The following CDK12 variants were observed in gnomAD, a reference collection of about 807,000 sequenced individuals.
The protein encoded by CDK12 is cyclin dependent kinase 12, also known as cyclin-dependent kinase 12.
A neutral mutation model predicts 133.8 loss-of-function variants in CDK12; 17 were observed. The ratio of observed to expected loss-of-function variants is 0.13; its 90% confidence interval spans 0.09 to 0.19. The LOEUF (loss-of-function observed/expected upper bound fraction) is 0.19. Among genes scored for constraint, CDK12 ranks in the 10% least tolerant of loss-of-function variants. The pLI is 1.00. For missense variants in CDK12, 1,508 were observed against 1,818.7 expected (o/e 0.83, Z 3.11); for synonymous variants, 694 against 683.6 (o/e 1.02, Z -0.24).
chr17:39,550,751 A>C (rs1354357022), intron 1 of CDK12: 2 of 152,206 alleles, frequency 1.3e-5, no homozygotes, highest in East Asian at 3.9e-4. Context: ...GAACTTGGCC[A>C]GGTGCGGTGG....
intron 6 of CDK12, among the ~76,000 whole-genome samples, chr17:39,502,246 A>G (rs910422874): frequency 2.0e-5 from 3 of 151,968 alleles, no homozygotes; most frequent in African/African-American, 7.3e-5. Flanking sequence ...TCTGCCTCCC[A>G]GGTTCGTGCC....
At chr17:39,542,338 A>G (rs1346065746) in intron 1 of CDK12, among the ~76,000 whole-genome samples, 2 of 149,698 alleles carry the variant, frequency 1.3e-5, no homozygotes, top group African/African-American at 2.5e-5. Flanking sequence ...ATTTTTTTGT[A>G]TTATGTAGCC....
intron 2 of CDK12, among the ~76,000 whole-genome samples, chr17:39,482,203 G>T (rs1458076335): frequency 6.6e-6 from 1 of 151,152 alleles, no homozygotes; most frequent in Non-Finnish European, 1.5e-5. Context: ...ATAGAGATGG[G>T]GTTTCACCAT....
In CDK12 at chr17:39,464,751, C is replaced by T. The variant is rs1404002908; in HGVS notation, c.1046+1634C>T. On this transcript the variant is annotated intron_variant, in intron 1 of 13. Transcript: ENST00000447079. ...ATTCTACAATAAATATTTGCTGTAT[C>T]CAGGCTGGGCAACATAGTGAGGCCC... is the stretch of plus-strand genomic sequence containing the variant. Among the ~76,000 whole-genome samples the T allele has an allele frequency of 1.3e-4, 20 of 150,542 alleles. No homozygotes were observed. The Admixed American group carries it at 1.3e-3, about 10-fold the overall frequency.
At chr17:39,469,183 A>T (rs900053610) in intron 1 of CDK12, among the ~76,000 whole-genome samples, 1 of 152,150 alleles carries the variant, frequency 6.6e-6, no homozygotes, top group African/African-American at 2.4e-5. Context: ...GCTTTAGTAA[A>T]AAGTCATGAG....
intron 5 of CDK12, among the ~76,000 whole-genome samples, chr17:39,498,868 ATTTTCT>A (rs1291479708): frequency 2.5e-4 from 7 of 28,168 alleles, no homozygotes; most frequent in Non-Finnish European, 4.8e-4. Flanking sequence ...TAATACTATG[ATTTTCT>A]CTTTCTTTCT....
In CDK12 at chr17:39,501,240, C is replaced by A; in HGVS notation, c.2420-10C>A. The stretch of plus-strand genomic sequence containing the variant: ...TTTCTTGCTTTTAATTTTTTTTCGT[C>A]TTTATGTAGGTGCCTTTTACCTTGT... On this transcript the variant is annotated splice_polypyrimidine_tract_variant and intron_variant, in intron 5 of 13. Coordinates refer to ENST00000447079, the MANE Select transcript of CDK12 (RefSeq NM_016507.4). 1 of 1,464,936 alleles carries A rather than the reference C, an allele frequency of 6.8e-7. No homozygotes were observed. The highest frequency in any genetic ancestry group is 9.1e-7 in the Non-Finnish European group (1 of 1,104,334). 90.7% of individuals were successfully genotyped at this position (1,464,936 alleles called of 1,614,324 possible).
At chr17:39,518,346 G>A (rs572379225) in intron 10 of CDK12, among the ~76,000 whole-genome samples, 4 of 144,792 alleles carry the variant, frequency 2.8e-5, no homozygotes, top group Non-Finnish European at 3.0e-5. Context: ...TTTTTTTTCC[G>A]TGTAGAGATA....
chr17:39,492,970 G>C (rs1449994630), intron 4 of CDK12, 80 bp downstream of exon 4: 2 of 1,238,256 alleles, frequency 1.6e-6, no homozygotes, highest in Admixed American at 4.7e-5. Flanking sequence ...TTTAGCAAAA[G>C]TAAATTCTGA....
In CDK12 at chr17:39,501,436, A is replaced by G; in HGVS notation, c.2606A>G (p.Asn869Ser). The G allele has an allele frequency of 6.2e-7, 1 of 1,606,356 alleles. No individual in the cohort carries two copies. Among genetic ancestry groups the G allele is most frequent in the Non-Finnish European group, 8.5e-7 (1 of 1,175,992 alleles). Residue 869 changes from asparagine (N) to serine (S), a missense_variant, in exon 6 of 14, where the codon AAC (asparagine) becomes AGC (serine). Coordinates refer to ENST00000447079, the MANE Select transcript of CDK12 (RefSeq NM_016507.4). Reference sequence around the variant, plus strand: ...AAGTGTTCTAACATTTTGCTGAATAACAGGTAACATAGTAACCAAATAAGA... The same window carrying G: ...AAGTGTTCTAACATTTTGCTGAATAGCAGGTAACATAGTAACCAAATAAGA... ...DIKCSNILLN[N>S]SGQIKLADFG...
chr17:39,521,494 C>T (rs2054163417), intron 11 of CDK12, among the ~76,000 whole-genome samples: 1 of 151,898 alleles, frequency 6.6e-6, no homozygotes, highest in Non-Finnish European at 1.5e-5. Flanking sequence ...AACTCCTGGC[C>T]TCAGGTGATC....
At chr17:39,564,405 GAGTGCCTA>G (rs1184735876) in intron 3 of CDK12, among the ~76,000 whole-genome samples, 1 of 152,186 alleles carries the variant, frequency 6.6e-6, no homozygotes, top group Non-Finnish European at 1.5e-5. Context: ...AGGAATGGAG[GAGTGCCTA>G]AGGCCTTCCT....
intron 3 of CDK12, among the ~76,000 whole-genome samples, chr17:39,563,113 C>A (rs951422004): frequency 3.3e-5 from 5 of 152,012 alleles, no homozygotes; most frequent in Non-Finnish European, 7.4e-5. Flanking sequence ...ATGAACATTG[C>A]GGTAATAACC....
intron 2 of CDK12, among the ~76,000 whole-genome samples, chr17:39,486,674 GT>G (rs373701071): frequency 4.6e-5 from 7 of 151,742 alleles, no homozygotes; most frequent in Admixed American, 4.0e-4. Context: ...GAAATTACAA[GT>G]TTTTTTTCGC....
At chr17:39,493,939 T>C (rs1567727490) in intron 4 of CDK12, among the ~76,000 whole-genome samples, 1 of 152,020 alleles carries the variant, frequency 6.6e-6, no homozygotes, top group Non-Finnish European at 1.5e-5. Context: ...GAGGTTGCAA[T>C]GAGCGGAGAT....
intron 3 of CDK12, among the ~76,000 whole-genome samples, chr17:39,561,880 C>G (rs2056386671): frequency 6.6e-6 from 1 of 152,186 alleles, no homozygotes; most frequent in African/African-American, 2.4e-5. Flanking sequence ...GCCCAGTAGT[C>G]CCAGCCATGT....
chr17:39,471,182 T>A lies in CDK12; in HGVS notation c.1350T>A (p.Ser450Arg), dbSNP rs1003212674. 1 of 1,579,502 alleles carries A rather than the reference T, an allele frequency of 6.3e-7. No individual in the cohort carries two copies. ...TGGAGTCTAAAAAGTTACCCAGAAG[T>A]GTAAAATTGGAAAAATCTGCCCCAG... ...SGLESKKLPR[S>R]VKLEKSAPDT... Residue 450 changes from serine (S) to arginine (R), a missense_variant, in exon 2 of 14, where the codon AGT becomes AGA. This residue lies in a region of CDK12 where 347 missense variants were observed against 330.8 expected (regional missense o/e 1.05). Transcript: ENST00000447079.
At chr17:39,478,062 T>C (rs1178519913) in intron 2 of CDK12, among the ~76,000 whole-genome samples, 1 of 145,756 alleles carries the variant, frequency 6.9e-6, no homozygotes. Flanking sequence ...CTCCTCCACC[T>C]CTTTTTTTTT....
intron 9 of CDK12, among the ~76,000 whole-genome samples, chr17:39,516,631 C>T (rs899037740): frequency 1.3e-5 from 2 of 149,914 alleles, no homozygotes; most frequent in Admixed American, 6.7e-5. Flanking sequence ...GGATTACACA[C>T]GTGAGCCACC....
Sources: allele counts gnomAD v4.1 joint callset (sites outside exome capture counted in the v4.1 genomes callset), GRCh38; gene constraint gnomAD v4.1.1; regional missense constraint gnomAD v4.1.1; transcripts MANE v1.5; gene names NCBI Gene and HGNC (gene_info 2026-07-23, HGNC 2026-07-21).